MACROD2: variants seen among roughly 807,000 people sequenced by gnomAD.
MACROD2 encodes mono-ADP ribosylhydrolase 2, also known as ADP-ribose glycohydrolase MACROD2.
A neutral mutation model predicts 70.4 loss-of-function variants in MACROD2; 36 were observed. The ratio of observed to expected loss-of-function variants is 0.51; its 90% CI spans 0.39 to 0.68. The LOEUF (loss-of-function observed/expected upper bound fraction) is 0.68, where lower values mean the gene tolerates loss of function less well. MACROD2 is among the 30% of genes least tolerant of loss of function. The probability of loss-of-function intolerance (pLI) is 0.00; values close to 1 mark genes in which losing one functional copy is unlikely to be tolerated. For synonymous variants in MACROD2, 172 were observed against 178.8 expected (o/e 0.96, Z 0.30); for missense variants, 496 against 538.4 (o/e 0.92, Z 0.78).
At chr20:15,753,835 C>T (rs1041679628) in intron 8 of MACROD2, among the ~76,000 whole-genome samples, 4 of 152,092 alleles carry the variant, frequency 2.6e-5, no homozygotes, top group East Asian at 1.9e-4. Context: ...GGTAGCTCAT[C>T]GTGCTTTTGA....
At chr20:15,771,353 AT>A (rs200042074) in intron 8 of MACROD2, among the ~76,000 whole-genome samples, 167 of 111,470 alleles carry the variant, frequency 1.5e-3, no homozygotes, top group African/African-American at 3.9e-3. Flanking sequence ...TATTATTATT[AT>A]TTTTTTTTTG....
chr20:15,483,611 C>T (rs541310165), intron 7 of MACROD2, among the ~76,000 whole-genome samples: 4 of 152,214 alleles, frequency 2.6e-5, no homozygotes, highest in Admixed American at 1.3e-4. Context: ...GTTGGGATTG[C>T]ATTGAAAATA....
intron 5 of MACROD2, among the ~76,000 whole-genome samples, chr20:15,181,470 C>A (rs927205511): frequency 6.6e-6 from 1 of 152,130 alleles, no homozygotes; most frequent in East Asian, 1.9e-4. Flanking sequence ...TACTCAACTG[C>A]CAAAGGCCAA....
At chr20:15,630,860 A>C (rs535400338) in intron 8 of MACROD2, among the ~76,000 whole-genome samples, 1 of 152,320 alleles carries the variant, frequency 6.6e-6, no homozygotes, top group East Asian at 1.9e-4. Flanking sequence ...ACTGAGTTGG[A>C]AGATCCAAAC....
At chr20:14,930,766 T>TAAA (rs11474347) in intron 5 of MACROD2, among the ~76,000 whole-genome samples, 8,593 of 71,570 alleles carry the variant, frequency 0.12, 823 homozygotes, top group South Asian at 0.16. Context: ...GAGCGTGTCT[T>TAAA]AAAAAAAAAA....
intron 3 of MACROD2, among the ~76,000 whole-genome samples, chr20:14,468,765 C>T (rs1270476417): frequency 6.6e-6 from 1 of 152,064 alleles, no homozygotes. Context: ...CCGCCTTGGC[C>T]TCCCAAAGTG....
intron 3 of MACROD2, among the ~76,000 whole-genome samples, chr20:14,437,224 C>T (rs990647378): frequency 6.6e-6 from 1 of 152,042 alleles, no homozygotes; most frequent in Non-Finnish European, 1.5e-5. Flanking sequence ...TCCCAAGCAC[C>T]TTTTTTTGAG....
At chr20:15,925,686 A>C (rs1016175688) in intron 10 of MACROD2, among the ~76,000 whole-genome samples, 5 of 152,200 alleles carry the variant, frequency 3.3e-5, no homozygotes, top group East Asian at 1.9e-4. Flanking sequence ...CACAACACAT[A>C]TGGAAGGCCC....
At chr20:14,358,946 A>C (rs2122713912) in intron 3 of MACROD2, among the ~76,000 whole-genome samples, 1 of 152,262 alleles carries the variant, frequency 6.6e-6, no homozygotes, top group Admixed American at 6.5e-5. Flanking sequence ...CAGCACTTTA[A>C]GAAGCTGAGG....
chr20:15,893,890 A>T (rs1568622759), intron 10 of MACROD2: 1 of 456,788 alleles, frequency 2.2e-6, no homozygotes. Context: ...GGAGCAGCTG[A>T]AAGGAGAGAA....
At chr20:14,205,322 A>G (rs2081514032) in intron 3 of MACROD2, among the ~76,000 whole-genome samples, 1 of 152,224 alleles carries the variant, frequency 6.6e-6, no homozygotes. Flanking sequence ...GACCAGGAAG[A>G]AATAGGCAAG....
At chr20:14,339,793 TA>T (rs2122657222) in intron 3 of MACROD2, among the ~76,000 whole-genome samples, 1 of 152,332 alleles carries the variant, frequency 6.6e-6, no homozygotes, top group African/African-American at 2.4e-5. Context: ...AGCTATGGAT[TA>T]AAATATGGGA....
chr20:15,300,546 C>A (rs1038089557), intron 6 of MACROD2, among the ~76,000 whole-genome samples: 2 of 152,224 alleles, frequency 1.3e-5, no homozygotes, highest in African/African-American at 4.8e-5. Flanking sequence ...CTCAGACCTA[C>A]TGAACTAGAC....
intron 8 of MACROD2, among the ~76,000 whole-genome samples, chr20:15,701,761 C>G (rs1242394920): frequency 6.6e-6 from 1 of 152,150 alleles, no homozygotes; most frequent in Non-Finnish European, 1.5e-5. Context: ...ATGGTCTCAT[C>G]ACCCAGGTAG....
intron 6 of MACROD2, among the ~76,000 whole-genome samples, chr20:15,361,443 A>G (rs1054818610): frequency 6.6e-6 from 1 of 152,176 alleles, no homozygotes; most frequent in African/African-American, 2.4e-5. Context: ...CCCTCTGTCA[A>G]TACCACAGAG....
chr20:16,019,186 G>A (rs75572564), intron 15 of MACROD2, among the ~76,000 whole-genome samples: 5,332 of 152,208 alleles, frequency 0.035, 254 homozygotes, highest in East Asian at 0.15. Flanking sequence ...GGTACAAAGA[G>A]AACCAAAATT....
chr20:15,892,453 G>T (rs1174082099), intron 10 of MACROD2, among the ~76,000 whole-genome samples: 1 of 152,150 alleles, frequency 6.6e-6, no homozygotes, highest in Non-Finnish European at 1.5e-5. Flanking sequence ...TTTAGAATCT[G>T]GATTACTAAA....
At chr20:14,261,240 C>T (rs2082098650) in intron 3 of MACROD2, among the ~76,000 whole-genome samples, 1 of 143,160 alleles carries the variant, frequency 7.0e-6, no homozygotes, top group Non-Finnish European at 1.5e-5. Context: ...GAGACAGTCA[C>T]TTTGGAACAT....
At chr20:14,983,983 T>C (rs1257924584) in intron 5 of MACROD2, among the ~76,000 whole-genome samples, 1 of 152,172 alleles carries the variant, frequency 6.6e-6, no homozygotes, top group African/African-American at 2.4e-5. Flanking sequence ...ATTGCTAAGG[T>C]GAAGCTCATA....
Sources: allele counts gnomAD v4.1 joint callset (sites outside exome capture counted in the v4.1 genomes callset), GRCh38; gene constraint gnomAD v4.1.1; transcripts MANE v1.5; gene names NCBI Gene and HGNC (gene_info 2026-07-23, HGNC 2026-07-21).